BNC2: variants seen among roughly 807,000 people sequenced by gnomAD.
The protein encoded by BNC2 is zinc finger protein basonuclin-2.
BNC2 carries 20 observed loss-of-function variants against 76.3 expected under a neutral mutation model. That is an observed-to-expected ratio of 0.26 (90% CI 0.18 to 0.38). BNC2 has a LOEUF of 0.38. Among genes scored for constraint, BNC2 ranks in the 10% least tolerant of loss-of-function variants. The probability of loss-of-function intolerance (pLI) is 1.00; values close to 1 mark genes in which losing one functional copy is unlikely to be tolerated. For synonymous variants in BNC2, 582 were observed against 514.8 expected (o/e 1.13, Z -1.77); for missense variants, 1,382 against 1,399.8 (o/e 0.99, Z 0.20).
At chr9:16,784,646 C>T (rs778835065) in intron 1 of BNC2, among the ~76,000 whole-genome samples, 1 of 152,124 alleles carries the variant, frequency 6.6e-6, no homozygotes. Context: ...TGAGCACTGG[C>T]AAAGTCAGAG....
At position 16,679,671 on chromosome 9, in the gene BNC2, C is replaced by T. The variant is rs78486918; in HGVS notation, c.330+48126G>A. On this transcript the variant is annotated intron_variant, in intron 3 of 6. Transcript: ENST00000380672. Reference sequence around the variant, plus strand: ...TCCTCTGAAGGACGTTCCCTAGATGCGCGGGCCGGATGACACCTCCATTGC... The same window carrying T: ...TCCTCTGAAGGACGTTCCCTAGATGTGCGGGCCGGATGACACCTCCATTGC... 2.6e-4 allele frequency among the ~76,000 whole-genome samples: 40 copies of T among 152,306 alleles called. 1 individual carries two copies. The East Asian group carries it at 6.6e-3, about 25-fold the overall frequency.
chr9:16,751,624 A>ATATGTGTG (rs1563926869), intron 1 of BNC2, among the ~76,000 whole-genome samples: 1 of 28,260 alleles, frequency 3.5e-5, no homozygotes. Flanking sequence ...ATGTGTATAT[A>ATATGTGTG]TATATGTATG....
chr9:16,417,528 C>CA lies in BNC2; in HGVS notation c.*1460dup, dbSNP rs1820610604. ...GTTTAGCACATGTTTTCAAAGCTTCCAAGTACTGCTGCTGTTAAATGCCTT... is the reference window on the plus strand; with the variant it reads ...GTTTAGCACATGTTTTCAAAGCTTCCAAAGTACTGCTGCTGTTAAATGCCTT... On this transcript the variant is annotated 3_prime_UTR_variant, in exon 7 of 7. Transcript: ENST00000380672. The CA allele has an allele frequency of 2.0e-5, 3 of 152,156 alleles. No homozygotes were observed. Among genetic ancestry groups the CA allele is most frequent in the South Asian group, 4.2e-4 (2 of 4,814 alleles). 9.4% of individuals were successfully genotyped at this position (152,156 alleles called of 1,614,324 possible). A position where few individuals can be genotyped will look rare whatever the true frequency, so the allele number is the denominator to read the frequency against.
intron 3 of BNC2, among the ~76,000 whole-genome samples, chr9:16,631,523 A>G (rs1267128111): frequency 1.3e-5 from 2 of 152,226 alleles, no homozygotes; most frequent in Non-Finnish European, 2.9e-5. Flanking sequence ...TACTCCTATA[A>G]CAAGGGACTT....
At chr9:16,674,641 A>G (rs1202519820) in intron 3 of BNC2, among the ~76,000 whole-genome samples, 2 of 152,194 alleles carry the variant, frequency 1.3e-5, no homozygotes, top group East Asian at 1.9e-4. Flanking sequence ...ACAATAACAG[A>G]TATCAGCTAT....
chr9:16,870,148 GCCCCAGCGCACCCGGCA>G (rs1387506419), intron 1 of BNC2, among the ~76,000 whole-genome samples: 1 of 151,898 alleles, frequency 6.6e-6, no homozygotes, highest in East Asian at 2.0e-4. Context: ...GGGCGGCTGC[GCCCCAGCGCACCCGGCA>G]CCCACGCCCA....
chr9:16,748,641 G>A (rs945600550), intron 1 of BNC2, among the ~76,000 whole-genome samples: 6 of 151,974 alleles, frequency 3.9e-5, no homozygotes, highest in South Asian at 2.1e-4. Context: ...TCAAGAGTTC[G>A]AGATCAGACT....
In BNC2 at chr9:16,727,782, A is replaced by C; in HGVS notation, c.330+15T>G. 1 of 1,600,104 alleles carries C rather than the reference A, an allele frequency of 6.2e-7. No homozygotes were observed. Among genetic ancestry groups the C allele is most frequent in the Non-Finnish European group, 8.5e-7 (1 of 1,175,170 alleles). ...AAAAAAAAGAAAAAAAAAATCAAGAAAGAAAGTAACTTACCTGTTGGGACA... is the reference window on the plus strand; with the variant it reads ...AAAAAAAAGAAAAAAAAAATCAAGACAGAAAGTAACTTACCTGTTGGGACA... On this transcript the variant is annotated intron_variant, in intron 3 of 6. Coordinates refer to ENST00000380672, the MANE Select transcript of BNC2 (RefSeq NM_017637.6).
At chr9:16,833,465 G>C (rs1381862627) in intron 1 of BNC2, among the ~76,000 whole-genome samples, 5 of 151,970 alleles carry the variant, frequency 3.3e-5, no homozygotes, top group Admixed American at 2.6e-4. Context: ...GAAGCCAAGA[G>C]CTTCGAGGTC....
intron 1 of BNC2, among the ~76,000 whole-genome samples, chr9:16,749,718 T>C (rs1228495296): frequency 7.1e-6 from 1 of 140,608 alleles, no homozygotes; most frequent in Admixed American, 7.1e-5. Flanking sequence ...AAAAAAAAAA[T>C]AGTGTAAGGA....
intron 3 of BNC2, among the ~76,000 whole-genome samples, chr9:16,705,508 C>T (rs925010800): frequency 3.3e-5 from 5 of 152,170 alleles, no homozygotes; most frequent in African/African-American, 1.2e-4. Context: ...TGCAGAGCCA[C>T]ACACTGCGCA....
intron 5 of BNC2, among the ~76,000 whole-genome samples, chr9:16,511,105 C>CTTTTTT (rs34511398): frequency 1.6e-5 from 2 of 125,216 alleles, no homozygotes; most frequent in East Asian, 2.4e-4. Context: ...ACTAAACTTA[C>CTTTTTT]TTTTTTTTTT....
intron 3 of BNC2, among the ~76,000 whole-genome samples, chr9:16,606,182 T>C (rs534731891): frequency 3.3e-5 from 5 of 152,164 alleles, no homozygotes; most frequent in Non-Finnish European, 5.9e-5. Flanking sequence ...CTTACATGTA[T>C]ATTTAGAACA....
At chr9:16,506,132 G>A (rs1163646374) in intron 5 of BNC2, among the ~76,000 whole-genome samples, 5 of 152,102 alleles carry the variant, frequency 3.3e-5, no homozygotes. Flanking sequence ...AAACTTGGAT[G>A]GAAATTGTAG....
chr9:16,808,681 G>A (rs1306109229), intron 1 of BNC2, among the ~76,000 whole-genome samples: 1 of 150,686 alleles, frequency 6.6e-6, no homozygotes, highest in Non-Finnish European at 1.5e-5. Context: ...ATGGGGTTTT[G>A]CTATGTTGCC....
intron 3 of BNC2, among the ~76,000 whole-genome samples, chr9:16,700,863 A>C (rs968084320): frequency 6.6e-6 from 1 of 152,158 alleles, no homozygotes; most frequent in African/African-American, 2.4e-5. Flanking sequence ...GTTATTTGGG[A>C]GGCTGAGACA....
intron 5 of BNC2, among the ~76,000 whole-genome samples, chr9:16,519,453 A>G (rs1259419670): frequency 6.6e-6 from 1 of 152,182 alleles, no homozygotes; most frequent in Non-Finnish European, 1.5e-5. Flanking sequence ...GTTCCTTTGG[A>G]CAGGTAGAGA....
chr9:16,796,521 G>A (rs1468209736), intron 1 of BNC2, among the ~76,000 whole-genome samples: 6 of 147,636 alleles, frequency 4.1e-5, no homozygotes, highest in Non-Finnish European at 8.9e-5. Context: ...GCAGTAAGCC[G>A]AGATCACGTC....
chr9:16,489,263 A>G (rs943074088), intron 5 of BNC2, among the ~76,000 whole-genome samples: 2 of 152,186 alleles, frequency 1.3e-5, no homozygotes, highest in Admixed American at 1.3e-4. Flanking sequence ...GCACATCTCA[A>G]TTTGGTATGG....
Sources: allele counts gnomAD v4.1 joint callset (sites outside exome capture counted in the v4.1 genomes callset), GRCh38; gene constraint gnomAD v4.1.1; transcripts MANE v1.5; gene names NCBI Gene and HGNC (gene_info 2026-07-23, HGNC 2026-07-21).